The following RBFOX1 variants were observed in gnomAD, a reference collection of about 807,000 sequenced individuals.
RBFOX1 encodes the protein RNA binding protein fox-1 homolog 1.
RBFOX1 carries 8 observed loss-of-function variants against 57.7 expected under a neutral mutation model. The observed-to-expected ratio is 0.14, with a 90% CI of 0.08 to 0.25. RBFOX1 has a LOEUF of 0.25. Ranked by LOEUF, RBFOX1 falls within the 10% of genes least tolerant of loss-of-function variation. RBFOX1 has a pLI of 1.00. For synonymous variants in RBFOX1, 326 were observed against 222.4 expected, an observed-to-expected ratio of 1.47 and a Z score of -4.15; for missense variants, 611 against 548.5, an observed-to-expected ratio of 1.11 and a Z score of -1.14.
chr16:5,592,175 T>TC (rs57794634), intron 2 of RBFOX1, among the ~76,000 whole-genome samples: 1 of 152,142 alleles, frequency 6.6e-6, no homozygotes, highest in African/African-American at 2.4e-5. Flanking sequence ...CTTGTTTTTT[T>TC]CTATGGACTT....
At chr16:6,749,554 A>G (rs975851735) in intron 3 of RBFOX1, among the ~76,000 whole-genome samples, 2 of 152,194 alleles carry the variant, frequency 1.3e-5, no homozygotes, top group Admixed American at 1.3e-4. Flanking sequence ...CATATCCAGC[A>G]GGCAGCCATG....
intron 3 of RBFOX1, among the ~76,000 whole-genome samples, chr16:6,950,986 G>A (rs147676175): frequency 6.6e-6 from 1 of 151,514 alleles, no homozygotes; most frequent in Non-Finnish European, 1.5e-5. Flanking sequence ...GCTCATTGCA[G>A]CCTCAAACTT....
intron 14 of RBFOX1, among the ~76,000 whole-genome samples, chr16:7,693,739 G>C (rs2077934815): frequency 6.6e-6 from 1 of 152,074 alleles, no homozygotes; most frequent in Non-Finnish European, 1.5e-5. Flanking sequence ...GTTATGTCTG[G>C]GTTCATAGAG....
intron 3 of RBFOX1, among the ~76,000 whole-genome samples, chr16:6,907,791 C>G (rs1416124580): frequency 6.8e-6 from 1 of 146,506 alleles, no homozygotes; most frequent in Non-Finnish European, 1.6e-5. Context: ...CCAGGCTGGT[C>G]TCAAACTCCT....
intron 14 of RBFOX1, among the ~76,000 whole-genome samples, chr16:7,700,229 G>A (rs1291352484): frequency 1.3e-5 from 2 of 152,082 alleles, no homozygotes; most frequent in African/African-American, 4.8e-5. Context: ...TAGACGAGAG[G>A]CAATAGCTGC....
chr16:6,487,335 T>G (rs1183785548), intron 2 of RBFOX1, among the ~76,000 whole-genome samples: 1 of 152,116 alleles, frequency 6.6e-6, no homozygotes, highest in African/African-American at 2.4e-5. Context: ...CATAAAAATT[T>G]CAAAGTGTTC....
intron 14 of RBFOX1, among the ~76,000 whole-genome samples, chr16:7,685,866 T>C (rs570658124): frequency 6.6e-6 from 1 of 152,186 alleles, no homozygotes; most frequent in East Asian, 1.9e-4. Context: ...CCTACTCTGA[T>C]ATAGACATGC....
intron 1 of RBFOX1, among the ~76,000 whole-genome samples, chr16:6,182,856 T>C (rs1362180945): frequency 6.6e-6 from 1 of 152,198 alleles, no homozygotes; most frequent in East Asian, 1.9e-4. Context: ...TTGTGAAGAA[T>C]AGAACACATT....
intron 1 of RBFOX1, among the ~76,000 whole-genome samples, chr16:5,343,957 G>C (rs2065087568): frequency 2.0e-5 from 3 of 152,164 alleles, no homozygotes; most frequent in Admixed American, 2.0e-4. Context: ...AAGAACGCTT[G>C]AGCATATGTA....
At chr16:7,272,552 T>G (rs2095344681) in intron 4 of RBFOX1, among the ~76,000 whole-genome samples, 1 of 152,298 alleles carries the variant, frequency 6.6e-6, no homozygotes, top group African/African-American at 2.4e-5. Flanking sequence ...ATCAAATATT[T>G]ATAGGCAACT....
intron 3 of RBFOX1, among the ~76,000 whole-genome samples, chr16:7,017,719 C>T (rs1054012457): frequency 1.2e-4 from 18 of 152,100 alleles, no homozygotes; most frequent in African/African-American, 4.3e-4. Flanking sequence ...CTTTTCTCTT[C>T]ACGTTTTCAC....
intron 1 of RBFOX1, among the ~76,000 whole-genome samples, chr16:6,300,710 C>G (rs1209243707): frequency 6.6e-6 from 1 of 152,150 alleles, no homozygotes; most frequent in Non-Finnish European, 1.5e-5. Flanking sequence ...TAGCTTGTAG[C>G]CCTACTCTTT....
At chr16:6,064,820 T>A (rs1176642465) in intron 1 of RBFOX1, among the ~76,000 whole-genome samples, 1 of 152,114 alleles carries the variant, frequency 6.6e-6, no homozygotes, top group Admixed American at 6.5e-5. Flanking sequence ...CCCTGGATCT[T>A]GCCCCTCCAT....
chr16:6,660,469 G>C (rs2098694221), intron 3 of RBFOX1, among the ~76,000 whole-genome samples: 5 of 152,100 alleles, frequency 3.3e-5, no homozygotes, highest in African/African-American at 4.8e-5. Context: ...ACTTGCCCAG[G>C]ATTATTCAGG....
In RBFOX1 at chr16:7,204,268, A is replaced by G. The variant is rs186656366; in HGVS notation, c.27+152170A>G. ...AGGCCCACCCTAAACTTGCAGCATC[A>G]CTCAAGGCCATTGTGTGTATCCCAT... On this transcript the variant is annotated intron_variant, in intron 4 of 15. Coordinates refer to ENST00000550418, the MANE Select transcript of RBFOX1 (RefSeq NM_018723.4). Among the ~76,000 whole-genome samples, 578 of 152,316 alleles carry G rather than the reference A, an allele frequency of 3.8e-3. 21 individuals carry two copies. The highest frequency in any genetic ancestry group is 0.034 in the Admixed American group (517 of 15,302).
At chr16:5,347,915 C>A (rs374857031) in intron 1 of RBFOX1, among the ~76,000 whole-genome samples, 4 of 147,648 alleles carry the variant, frequency 2.7e-5, no homozygotes, top group East Asian at 2.0e-4. Context: ...CCCCCTCCCC[C>A]CCATCAACCC....
intron 5 of RBFOX1, among the ~76,000 whole-genome samples, chr16:7,549,939 A>T (rs1008818716): frequency 9.9e-5 from 15 of 151,472 alleles, no homozygotes; most frequent in African/African-American, 3.4e-4. Flanking sequence ...TTTTTCTTTT[A>T]TTTTTTTAGA....
intron 4 of RBFOX1, among the ~76,000 whole-genome samples, chr16:7,349,928 C>T (rs1331525184): frequency 6.6e-6 from 1 of 152,138 alleles, no homozygotes; most frequent in Non-Finnish European, 1.5e-5. Flanking sequence ...GGGTGGATCA[C>T]TTGAGGTCAG....
At chr16:7,694,308 A>G (rs1270016513) in intron 14 of RBFOX1, among the ~76,000 whole-genome samples, 3 of 152,156 alleles carry the variant, frequency 2.0e-5, no homozygotes, top group African/African-American at 7.2e-5. Context: ...CTCATCTGTT[A>G]CCTTTTATCA....
Sources: allele counts gnomAD v4.1 joint callset (sites outside exome capture counted in the v4.1 genomes callset), GRCh38; gene constraint gnomAD v4.1.1; transcripts MANE v1.5; gene names NCBI Gene and HGNC (gene_info 2026-07-23, HGNC 2026-07-21).